RBFOX1: variants seen among roughly 807,000 people sequenced by gnomAD.
RBFOX1 encodes the protein RNA binding protein fox-1 homolog 1.
In RBFOX1, 8 loss-of-function variants were observed where a neutral mutation model predicts 57.7. That is an observed-to-expected ratio of 0.14 (90% CI 0.08 to 0.25). RBFOX1 has a LOEUF of 0.25. Among genes scored for constraint, RBFOX1 ranks in the 10% least tolerant of loss-of-function variants. RBFOX1 has a pLI of 1.00. For missense variants in RBFOX1, 611 were observed against 548.5 expected (o/e 1.11, Z -1.14); for synonymous variants, 326 against 222.4 (o/e 1.47, Z -4.15).
intron 4 of RBFOX1, among the ~76,000 whole-genome samples, chr16:7,356,813 G>C (rs893491604): frequency 9.2e-5 from 14 of 152,224 alleles, no homozygotes; most frequent in African/African-American, 3.4e-4. Context: ...GGAAGGGTTT[G>C]GAGCCAGGTT....
chr16:7,033,279 G>T (rs999266060), intron 3 of RBFOX1, among the ~76,000 whole-genome samples: 2 of 152,272 alleles, frequency 1.3e-5, no homozygotes, highest in East Asian at 3.9e-4. Context: ...TAGAACTTTG[G>T]GAGGCCGAGG....
chr16:5,985,240 C>T (rs1243998513), intron 4 of RBFOX1, among the ~76,000 whole-genome samples: 1 of 151,756 alleles, frequency 6.6e-6, no homozygotes, highest in African/African-American at 2.4e-5. Context: ...GATCCATCCC[C>T]CTCGGCCTCC....
intron 4 of RBFOX1, among the ~76,000 whole-genome samples, chr16:7,421,943 C>T (rs764502150): frequency 6.6e-6 from 1 of 152,136 alleles, no homozygotes; most frequent in Non-Finnish European, 1.5e-5. Context: ...TTATGTCATG[C>T]CCAGTCCCTA....
At chr16:5,510,870 A>G (rs2043558873) in intron 2 of RBFOX1, among the ~76,000 whole-genome samples, 1 of 152,150 alleles carries the variant, frequency 6.6e-6, no homozygotes, top group African/African-American at 2.4e-5. Flanking sequence ...CCTGACAACC[A>G]GAAGTGTCTC....
chr16:6,758,611 A>G (rs527345947), intron 3 of RBFOX1, among the ~76,000 whole-genome samples: 18 of 152,332 alleles, frequency 1.2e-4, no homozygotes, highest in Non-Finnish European at 2.1e-4. Context: ...GATTGATTCT[A>G]TAATGCAAAT....
intron 3 of RBFOX1, among the ~76,000 whole-genome samples, chr16:6,806,647 C>T (rs748258573): frequency 2.6e-5 from 4 of 151,428 alleles, no homozygotes; most frequent in Admixed American, 2.6e-4. Flanking sequence ...CACGCGGTAA[C>T]AGATTTGTAT....
At chr16:6,066,496 C>T (rs118041625) in intron 1 of RBFOX1, among the ~76,000 whole-genome samples, 3,406 of 152,034 alleles carry the variant, frequency 0.022, 65 homozygotes, top group Non-Finnish European at 0.036. Context: ...AATGGGAATA[C>T]ATGCAGTAAG....
At chr16:6,251,345 A>G (rs1212054235) in intron 1 of RBFOX1, among the ~76,000 whole-genome samples, 1 of 152,120 alleles carries the variant, frequency 6.6e-6, no homozygotes. Context: ...TACCATTATT[A>G]TTCTCCTGTT....
intron 3 of RBFOX1, among the ~76,000 whole-genome samples, chr16:6,807,875 A>C: frequency 6.9e-6 from 1 of 143,932 alleles, no homozygotes; most frequent in East Asian, 2.0e-4. Context: ...ATATATATCT[A>C]GTTCTGTTGA....
At chr16:6,061,311 C>T (rs2095683296) in intron 1 of RBFOX1, among the ~76,000 whole-genome samples, 1 of 152,116 alleles carries the variant, frequency 6.6e-6, no homozygotes, top group African/African-American at 2.4e-5. Flanking sequence ...TTCATCACTT[C>T]AGAAGACACA....
At chr16:6,749,991 T>C (rs1042291509) in intron 3 of RBFOX1, among the ~76,000 whole-genome samples, 1 of 152,164 alleles carries the variant, frequency 6.6e-6, no homozygotes, top group Non-Finnish European at 1.5e-5. Context: ...CAGAGTTTTA[T>C]GAATTTTTCT....
intron 3 of RBFOX1, among the ~76,000 whole-genome samples, chr16:6,889,037 G>A (rs1377193078): frequency 6.6e-6 from 1 of 152,118 alleles, no homozygotes; most frequent in Non-Finnish European, 1.5e-5. Context: ...AATTGCATGT[G>A]TTCTCAAATT....
chr16:7,247,283 C>T (rs910224978), intron 4 of RBFOX1, among the ~76,000 whole-genome samples: 1 of 152,168 alleles, frequency 6.6e-6, no homozygotes, highest in Non-Finnish European at 1.5e-5. Context: ...ACACTCGCTG[C>T]CGGTTAACAT....
intron 1 of RBFOX1, among the ~76,000 whole-genome samples, chr16:6,261,196 C>G (rs1010530475): frequency 6.6e-6 from 1 of 152,150 alleles, no homozygotes; most frequent in African/African-American, 2.4e-5. Context: ...CTTTCACATT[C>G]CCAGTGGATG....
intron 3 of RBFOX1, among the ~76,000 whole-genome samples, chr16:5,864,996 C>T (rs2057313866): frequency 6.6e-6 from 1 of 152,102 alleles, no homozygotes; most frequent in Non-Finnish European, 1.5e-5. Context: ...GTTTGTATTT[C>T]CCTATGGTAG....
At chr16:6,004,136 A>T (rs929151500) in intron 4 of RBFOX1, among the ~76,000 whole-genome samples, 25 of 152,210 alleles carry the variant, frequency 1.6e-4, no homozygotes, top group Admixed American at 1.6e-3. Context: ...ACCATAGCAC[A>T]CGTTTGCCTG....
intron 3 of RBFOX1, among the ~76,000 whole-genome samples, chr16:6,699,967 C>G (rs1220805342): frequency 6.6e-6 from 1 of 152,088 alleles, no homozygotes; most frequent in Non-Finnish European, 1.5e-5. Flanking sequence ...CATAATTTGC[C>G]CTGGTATGTG....
intron 4 of RBFOX1, among the ~76,000 whole-genome samples, chr16:7,388,293 C>A (rs566686019): frequency 1.1e-4 from 17 of 152,230 alleles, no homozygotes; most frequent in African/African-American, 3.4e-4. Context: ...AAGAAACTTG[C>A]ATTGCTTTCT....
intron 1 of RBFOX1, among the ~76,000 whole-genome samples, chr16:6,060,399 A>G (rs2095670175): frequency 6.6e-6 from 1 of 152,160 alleles, no homozygotes; most frequent in Non-Finnish European, 1.5e-5. Context: ...CCTAGCACAC[A>G]GTAAATGTTC....
Sources: allele counts gnomAD v4.1 joint callset (sites outside exome capture counted in the v4.1 genomes callset), GRCh38; gene constraint gnomAD v4.1.1; transcripts MANE v1.5; gene names NCBI Gene and HGNC (gene_info 2026-07-23, HGNC 2026-07-21).